The following TBC1D5 variants were observed in gnomAD, a reference collection of about 807,000 sequenced individuals.
TBC1D5 encodes the protein TBC1 domain family, member 5.
Under a neutral mutation model 100.3 loss-of-function variants are expected in TBC1D5, and 75 were observed. The observed-to-expected ratio is 0.75, with a 90% CI of 0.62 to 0.91. The LOEUF (loss-of-function observed/expected upper bound fraction) is 0.91. Ranked by LOEUF, TBC1D5 falls within the 40% of genes least tolerant of loss-of-function variation. The pLI is 0.00. For missense variants in TBC1D5, 910 were observed against 942.4 expected (o/e 0.97, Z 0.45); for synonymous variants, 323 against 325.6 (o/e 0.99, Z 0.09).
chr3:17,651,393 T>TA lies in TBC1D5; in HGVS notation c.-100-27481dup, dbSNP rs757310578. ...AACATAAGTTACATCATCAGACCTA[T>TA]ATTAATGTAGGTCCTCACAGTAATA... On this transcript the variant is annotated intron_variant, in intron 1 of 21. Coordinates refer to ENST00000253692, the Ensembl canonical transcript of TBC1D5. 3.3e-5 allele frequency among the ~76,000 whole-genome samples: 5 copies of TA among 152,334 alleles called. No individual in the cohort carries two copies. The East Asian group carries it at 9.6e-4, about 29-fold the overall frequency.
chr3:17,366,630 A>G (rs1460845556), intron 13 of TBC1D5, among the ~76,000 whole-genome samples: 1 of 152,144 alleles, frequency 6.6e-6, no homozygotes, highest in African/African-American at 2.4e-5. Context: ...GAATATCTCA[A>G]TTGTTAACTG....
chr3:17,261,358 G>T (rs1348165434), intron 15 of TBC1D5, among the ~76,000 whole-genome samples: 1 of 151,824 alleles, frequency 6.6e-6, no homozygotes, highest in Non-Finnish European at 1.5e-5. Flanking sequence ...TAGATAACTG[G>T]GACGTACCAA....
At chr3:17,251,507 C>G (rs1029906745) in intron 16 of TBC1D5, among the ~76,000 whole-genome samples, 6 of 139,868 alleles carry the variant, frequency 4.3e-5, no homozygotes, top group African/African-American at 1.5e-4. Flanking sequence ...GCGGCTAATA[C>G]CTGCTACATC....
At chr3:17,346,392 A>C (rs1164072131) in intron 13 of TBC1D5, among the ~76,000 whole-genome samples, 1 of 152,120 alleles carries the variant, frequency 6.6e-6, no homozygotes, top group Non-Finnish European at 1.5e-5. Context: ...ATATACATAC[A>C]CATACATCTA....
intron 4 of TBC1D5, among the ~76,000 whole-genome samples, chr3:17,413,051 G>C (rs1362002858): frequency 2.0e-5 from 3 of 152,176 alleles, no homozygotes; most frequent in Non-Finnish European, 4.4e-5. Flanking sequence ...GGGTGTTTAG[G>C]TGTGCAAAAC....
rs181340865 is a variant in TBC1D5 at position 17,675,406 on chromosome 3, C to G, written c.-100-51493G>C. 2.8e-3 allele frequency among the ~76,000 whole-genome samples: 423 copies of G among 152,122 alleles called. 1 individual carries two copies. The highest frequency in any genetic ancestry group is 9.2e-3 in the African/African-American group (384 of 41,520). The stretch of plus-strand genomic sequence containing the variant: ...ATTGGTAACTGATCATATACAGTTT[C>G]GAGATATTTCCTATCCTCCTAATCC... On this transcript the variant is annotated intron_variant, in intron 1 of 21. Transcript: ENST00000253692.
chr3:17,697,975 A>G, intron 1 of TBC1D5, among the ~76,000 whole-genome samples: 1 of 151,516 alleles, frequency 6.6e-6, no homozygotes, highest in East Asian at 1.9e-4. Flanking sequence ...GCCCAAGGTA[A>G]TTTACAGATT....
intron 1 of TBC1D5, among the ~76,000 whole-genome samples, chr3:17,659,615 AATTT>A (rs2066454643): frequency 6.6e-6 from 1 of 152,182 alleles, no homozygotes; most frequent in Non-Finnish European, 1.5e-5. Flanking sequence ...CAGCTAAAGA[AATTT>A]ATTAACAGTG....
chr3:17,420,449 A>G (rs1324748785), intron 4 of TBC1D5, among the ~76,000 whole-genome samples: 1 of 152,174 alleles, frequency 6.6e-6, no homozygotes. Context: ...TCAGAAATTA[A>G]GTATTATATA....
chr3:17,531,171 G>A (rs139213030), intron 2 of TBC1D5, among the ~76,000 whole-genome samples: 1 of 152,136 alleles, frequency 6.6e-6, no homozygotes, highest in Non-Finnish European at 1.5e-5. Context: ...AAAAGCACAA[G>A]CATTCTTATA....
intron 2 of TBC1D5, among the ~76,000 whole-genome samples, chr3:17,570,539 C>A (rs2096620438): frequency 6.6e-6 from 1 of 151,846 alleles, no homozygotes; most frequent in Admixed American, 6.6e-5. Context: ...ATTCACATAC[C>A]CACTACCTAG....
intron 3 of TBC1D5, among the ~76,000 whole-genome samples, chr3:17,491,960 C>T (rs1419346759): frequency 6.6e-6 from 1 of 152,106 alleles, no homozygotes; most frequent in Non-Finnish European, 1.5e-5. Flanking sequence ...TTTACTACTG[C>T]CTCATTTTCT....
At chr3:17,529,849 C>T (rs1010330238) in intron 2 of TBC1D5, among the ~76,000 whole-genome samples, 2 of 152,036 alleles carry the variant, frequency 1.3e-5, no homozygotes, top group African/African-American at 4.8e-5. Context: ...TTGGACGGAG[C>T]ACATCAGGAT....
intron 13 of TBC1D5, among the ~76,000 whole-genome samples, chr3:17,352,210 G>C (rs1405897470): frequency 1.3e-5 from 2 of 152,048 alleles, no homozygotes; most frequent in African/African-American, 4.8e-5. Flanking sequence ...GTAGGTCTAT[G>C]TATTACAATA....
At chr3:17,402,305 G>A (rs1282152312) in intron 8 of TBC1D5, among the ~76,000 whole-genome samples, 12 of 152,102 alleles carry the variant, frequency 7.9e-5, no homozygotes, top group Non-Finnish European at 1.5e-4. Flanking sequence ...TAGGAGTGGA[G>A]CACACAGGCA....
At chr3:17,550,054 C>T (rs2096459147) in intron 2 of TBC1D5, among the ~76,000 whole-genome samples, 2 of 151,930 alleles carry the variant, frequency 1.3e-5, no homozygotes, top group South Asian at 4.1e-4. Context: ...ACTTCACAAT[C>T]TCTAATGGTT....
At chr3:17,708,909 G>T (rs1444488196) in intron 1 of TBC1D5, among the ~76,000 whole-genome samples, 1 of 152,096 alleles carries the variant, frequency 6.6e-6, no homozygotes, top group African/African-American at 2.4e-5. Flanking sequence ...GACCGTCACT[G>T]GAACCATTCA....
chr3:17,632,194 T>C (rs1480063601), intron 1 of TBC1D5, among the ~76,000 whole-genome samples: 1 of 152,152 alleles, frequency 6.6e-6, no homozygotes, highest in African/African-American at 2.4e-5. Context: ...TTGAAGGAGT[T>C]TTCAATATTT....
At chr3:17,312,735 C>A (rs575473290) in intron 13 of TBC1D5, among the ~76,000 whole-genome samples, 1 of 152,316 alleles carries the variant, frequency 6.6e-6, no homozygotes, top group Non-Finnish European at 1.5e-5. Flanking sequence ...CCCATTCCTA[C>A]TGTAATTTAT....
Sources: gnomAD v4.1 joint callset for allele counts (sites outside exome capture counted in the v4.1 genomes callset) on GRCh38, gnomAD v4.1.1 for gene constraint, MANE v1.5 for transcripts, NCBI Gene and HGNC (gene_info 2026-07-23, HGNC 2026-07-21) for gene names.